Variants in CST9 observed in about 807,000 individuals in gnomAD.
CST9 encodes cystatin 9.
Under a neutral mutation model 7.7 loss-of-function variants are expected in CST9, and 11 were observed. The ratio of observed to expected loss-of-function variants is 1.44; its 90% CI spans 0.90 to 2.38. The LOEUF (loss-of-function observed/expected upper bound fraction) is 2.38, where lower values mean the gene tolerates loss of function less well. Ranked by LOEUF, CST9 falls within the 30% of genes most tolerant of loss-of-function variation. The pLI is 0.00. For synonymous variants in CST9, 71 were observed against 74.3 expected (o/e 0.96, Z 0.23); for missense variants, 214 against 199.1 (o/e 1.07, Z -0.45).
intron 1 of CST9, among the ~76,000 whole-genome samples, chr20:23,605,014 A>G (rs989842399): frequency 3.3e-5 from 5 of 152,252 alleles, no homozygotes; most frequent in Non-Finnish European, 7.3e-5. Flanking sequence ...ATAAAGGTCC[A>G]TTGAGGAAGA....
chr20:23,604,618 C>T (rs1243631661), intron 1 of CST9, among the ~76,000 whole-genome samples: 2 of 152,186 alleles, frequency 1.3e-5, no homozygotes, highest in African/African-American at 2.4e-5. Context: ...TTAGCAGCCA[C>T]CATTACTGGA....
intron 1 of CST9, 59 bp from the exon 2 acceptor site, chr20:23,603,793 T>G: frequency 8.3e-4 from 1,137 of 1,365,136 alleles, no homozygotes; most frequent in Non-Finnish European, 1.1e-3. Context: ...AAGTAGCTAC[T>G]AGTGAAGATG....
In CST9 at chr20:23,603,373, A is replaced by C; in HGVS notation, c.*137T>G. On this transcript the variant is annotated 3_prime_UTR_variant, in exon 2 of 2. Coordinates refer to ENST00000376971, the MANE Select transcript of CST9 (RefSeq NM_001008693.3). The stretch of plus-strand genomic sequence containing the variant: ...AAGGCCATGTGGCCCAGGTGCAGGC[A>C]GCTGCAATGGTGTCAGAGGGCAGAA... 1 of 1,452,568 alleles carries C rather than the reference A, an allele frequency of 6.9e-7. No individual in the cohort carries two copies. The allele number at this position is 1,452,568 out of a possible 1,614,324, so 90.0% of individuals were successfully genotyped here.
At chr20:23,605,507 A>G (rs1978737177) in intron 1 of CST9, 103 bp downstream of exon 1, 2 of 1,328,236 alleles carry the variant, frequency 1.5e-6, no homozygotes, top group Non-Finnish European at 1.0e-6. Flanking sequence ...CTACCTGACT[A>G]TGGACTGCTG....
rs1392709451 is a variant in CST9 at position 23,605,667 on chromosome 20, A to G, written c.198T>C (p.His66=). Residue 66 remains histidine (H), a synonymous_variant, in exon 1 of 2, where the codon CAT becomes CAC. Coordinates refer to ENST00000376971, the MANE Select transcript of CST9 (RefSeq NM_001008693.3). The part of the protein sequence containing the change: ...NTFNVQSKEE[H]AYRLLRVLSS... ...TCAGGACGCGCAACAGCCTGTAGGC[A>G]TGCTCCTCCTTGCTCTGCACGTTGA... The G allele has an allele frequency of 1.2e-6, 2 of 1,614,050 alleles. No individual in the cohort carries two copies. The highest frequency in any genetic ancestry group is 2.2e-5 in the East Asian group (1 of 44,888).
intron 1 of CST9, 21 bp downstream of exon 1, chr20:23,605,589 G>GCC: frequency 2.5e-6 from 4 of 1,610,802 alleles, no homozygotes; most frequent in Non-Finnish European, 3.4e-6. Context: ...GGACAGGCCA[G>GCC]AAGAGGATGT....
Position 23,603,220 on chromosome 20 carries a change from C to G in CST9, c.*290G>C. 6 of 1,265,756 alleles carry G rather than the reference C, an allele frequency of 4.7e-6. No individual in the cohort carries two copies. Among genetic ancestry groups the G allele is most frequent in the Non-Finnish European group, 6.0e-6 (6 of 999,428 alleles). The allele number at this position is 1,265,756 out of a possible 1,614,324, so 78.4% of individuals were successfully genotyped here. On this transcript the variant is annotated 3_prime_UTR_variant, in exon 2 of 2. Coordinates refer to ENST00000376971, the MANE Select transcript of CST9 (RefSeq NM_001008693.3). ...TGGGGCTTCTTCTCAGCCTCCACCA[C>G]TTTTGGGTCTAGGGCAGGGTAGGGA...
chr20:23,603,208 CAGCCTCCACCACTTTTGGGTCT>C lies in CST9; in HGVS notation c.*280_*301del. The C allele has an allele frequency of 8.1e-7, 1 of 1,239,678 alleles. No homozygotes were observed. The highest frequency in any genetic ancestry group is 2.0e-5 in the South Asian group (1 of 50,484). 76.8% of individuals were successfully genotyped at this position (1,239,678 alleles called of 1,614,324 possible). The stretch of plus-strand genomic sequence containing the variant: ...GAGCGAGGGCAGTGGGGCTTCTTCT[CAGCCTCCACCACTTTTGGGTCT>C]AGGGCAGGGTAGGGAAACCCTGAGA... On this transcript the variant is annotated 3_prime_UTR_variant, in exon 2 of 2. Transcript: ENST00000376971.
At chr20:23,604,847 C>A (rs180797963) in intron 1 of CST9, among the ~76,000 whole-genome samples, 1 of 152,330 alleles carries the variant, frequency 6.6e-6, no homozygotes, top group Non-Finnish European at 1.5e-5. Flanking sequence ...TTCTTTCAGG[C>A]TCTTGGTGCT....
At position 23,603,075 on chromosome 20, in the gene CST9, G is replaced by A; in HGVS notation, c.*435C>T. On this transcript the variant is annotated 3_prime_UTR_variant, in exon 2 of 2. Transcript: ENST00000376971. ...GACTTAGGCAATTAGTTACCTATTTGTTAATCTTACAATAAGGGGGTTGAC... is the reference window on the plus strand; with the variant it reads ...GACTTAGGCAATTAGTTACCTATTTATTAATCTTACAATAAGGGGGTTGAC... 9.8e-7 allele frequency: 1 copy of A among 1,020,252 alleles called. No homozygotes were observed. Among genetic ancestry groups the A allele is most frequent in the Non-Finnish European group, 1.2e-6 (1 of 851,930 alleles). The allele number at this position is 1,020,252 out of a possible 1,614,324, so 63.2% of individuals were successfully genotyped here.
intron 1 of CST9, among the ~76,000 whole-genome samples, chr20:23,604,283 G>A (rs918849624): frequency 1.3e-5 from 2 of 152,122 alleles, no homozygotes; most frequent in African/African-American, 4.8e-5. Flanking sequence ...CTATTGCAAA[G>A]TGCATGCTGA....
At position 23,603,591 on chromosome 20, in the gene CST9, G is replaced by T; in HGVS notation, c.399C>A (p.Val133=). 1 of 1,614,186 alleles carries T rather than the reference G, an allele frequency of 6.2e-7. No individual in the cohort carries two copies. Residue 133 remains valine (V), a synonymous_variant, in exon 2 of 2, where the codon GTC becomes GTA. Transcript: ENST00000376971. ...ACCCCATGCAGCATCCACAGCTGTG[G>T]ACCTGAGGAAAGCTGATGCCCTGTC... ...NVRQGISFPQ[V]HSCGCCMGCG...
chr20:23,605,770 T>A lies in CST9; in HGVS notation c.95A>T (p.Glu32Val). 6.2e-7 allele frequency: 1 copy of A among 1,614,214 alleles called. No homozygotes were observed. Among genetic ancestry groups the A allele is most frequent in the Non-Finnish European group, 8.5e-7 (1 of 1,180,044 alleles). ...TTTATTATTACCACCCATTTCCTCT[T>A]CAGAACACCAGGCATAAGTCACCAG... Reference protein sequence around the residue: ...QLLVTYAWCSEEEMGGNNKIV... With the variant: ...QLLVTYAWCSVEEMGGNNKIV... Residue 32 changes from glutamate to valine, a missense_variant, in exon 1 of 2, where the codon GAA (glutamate) becomes GTA (valine). Physicochemically the swap from Glu to Val is moderately radical, Grantham distance 121 (BLOSUM62 -2). Transcript: ENST00000376971.
Position 23,603,158 on chromosome 20 carries a change from G to C in CST9, c.*352C>G. ...TGCTTGGAGCTCGTCCCCTAGAGCAGGTGCTGCAGCTCAGCAGGGCCTAGG... is the reference window on the plus strand; with the variant it reads ...TGCTTGGAGCTCGTCCCCTAGAGCACGTGCTGCAGCTCAGCAGGGCCTAGG... On this transcript the variant is annotated 3_prime_UTR_variant, in exon 2 of 2. Coordinates refer to ENST00000376971, the MANE Select transcript of CST9 (RefSeq NM_001008693.3). The C allele has an allele frequency of 2.8e-6, 3 of 1,090,582 alleles. No homozygotes were observed. The highest frequency in any genetic ancestry group is 2.2e-6 in the Non-Finnish European group (2 of 897,328). 67.6% of individuals were successfully genotyped at this position (1,090,582 alleles called of 1,614,324 possible). A position where few individuals can be genotyped will look rare whatever the true frequency, so the allele number is the denominator to read the frequency against.
Position 23,603,613 on chromosome 20 carries a change from T to A in CST9, c.377A>T (p.Gln126Leu), listed in dbSNP as rs372888539. 2.5e-6 allele frequency: 4 copies of A among 1,614,084 alleles called. No homozygotes were observed. Among genetic ancestry groups the A allele is most frequent in the Non-Finnish European group, 3.4e-6 (4 of 1,180,030 alleles). Residue 126 changes from glutamine (Q) to leucine (L), a missense_variant, in exon 2 of 2, where the codon CAG (glutamine) becomes CTG (leucine). Transcript: ENST00000376971. The stretch of plus-strand genomic sequence containing the variant: ...GTGGACCTGAGGAAAGCTGATGCCC[T>A]GTCTTACGTTGTTCAGCTCCAGGCT... ...QESLELNNVR[Q>L]GISFPQVHSC...
rs762364331 is a variant in CST9 at position 23,603,687 on chromosome 20, G to A, written c.303C>T (p.Thr101=). 2.3e-5 allele frequency: 37 copies of A among 1,614,094 alleles called. No individual in the cohort carries two copies. The highest frequency in any genetic ancestry group is 2.0e-4 in the South Asian group (18 of 91,086). ...VFSMNLQLRQ[T]VCRKFEDDID... is the part of the protein sequence containing the mutation. ...TGTCATCTTCAAATTTCCTACATAC[G>A]GTTTGGCGCAGTTGCAGATTCATGG... Residue 101 remains threonine (T), a synonymous_variant, in exon 2 of 2, where the codon ACC becomes ACT. Transcript: ENST00000376971.
chr20:23,602,757 G>T lies in CST9; in HGVS notation c.*753C>A. ...AAGAGACAGTAGGGCGGGGTTTGGG[G>T]AGGTTCGGGAATCTTGTGGCATCTG... is the stretch of plus-strand genomic sequence containing the variant. On this transcript the variant is annotated 3_prime_UTR_variant, in exon 2 of 2. Coordinates refer to ENST00000376971, the MANE Select transcript of CST9 (RefSeq NM_001008693.3). 1.0e-6 allele frequency: 1 copy of T among 985,574 alleles called. No individual in the cohort carries two copies. The highest frequency in any genetic ancestry group is 1.2e-6 in the Non-Finnish European group (1 of 830,044). The allele number at this position is 985,574 out of a possible 1,614,324, so 61.1% of individuals were successfully genotyped here.
intron 1 of CST9, among the ~76,000 whole-genome samples, chr20:23,605,345 C>T (rs914275792): frequency 6.6e-6 from 1 of 152,008 alleles, no homozygotes; most frequent in Non-Finnish European, 1.5e-5. Flanking sequence ...CTTAGAAGTC[C>T]TTATTTTGAA....
At position 23,605,894 on chromosome 20, in the gene CST9, C is replaced by T. The variant is rs745369808; in HGVS notation, c.-30G>A. 59 of 1,610,474 alleles carry T rather than the reference C, an allele frequency of 3.7e-5. No individual in the cohort carries two copies. Among genetic ancestry groups the T allele is most frequent in the Middle Eastern group, 1.7e-4 (1 of 5,834 alleles). Reference sequence around the variant, plus strand: ...CAGGCTCCAGCAGCCCTTGCCTTTGCCCTTCAGATCCCTGGCGTCCACTGG... The same window carrying T: ...CAGGCTCCAGCAGCCCTTGCCTTTGTCCTTCAGATCCCTGGCGTCCACTGG... On this transcript the variant is annotated 5_prime_UTR_variant, in exon 1 of 2. Coordinates refer to ENST00000376971, the MANE Select transcript of CST9 (RefSeq NM_001008693.3).
Sources: gnomAD v4.1 joint callset for allele counts (sites outside exome capture counted in the v4.1 genomes callset) on GRCh38, gnomAD v4.1.1 for gene constraint, MANE v1.5 for transcripts, NCBI Gene and HGNC (gene_info 2026-07-23, HGNC 2026-07-21) for gene names.